MMP8: variants seen among roughly 807,000 people sequenced by gnomAD.
MMP8 encodes the protein matrix metallopeptidase 8, also known as neutrophil collagenase.
In MMP8, 67 loss-of-function variants were observed where a neutral mutation model predicts 51.2. The observed-to-expected ratio is 1.31, with a 90% CI of 1.08 to 1.60. MMP8 has a LOEUF of 1.60. MMP8 is among the 40% of genes most tolerant of loss of function. MMP8 has a pLI of 0.00. For synonymous variants in MMP8, 225 were observed against 191.0 expected (o/e 1.18, Z -1.47); for missense variants, 654 against 558.1 (o/e 1.17, Z -1.73).
chr11:102,714,806 A>ATATATAT (rs1861238462), intron 7 of MMP8, 97 bp from the exon 8 acceptor site: 1 of 211,730 alleles, frequency 4.7e-6, no homozygotes, highest in Non-Finnish European at 8.0e-6. Flanking sequence ...ATATATATAT[A>ATATATAT]CCACTTCTTG....
rs34064844 is a variant in MMP8, at chr11:102,723,005, C to T, written c.103-332G>A. Reference sequence around the variant, plus strand: ...TTAGGACTAACATTAATTGACTTCTCTTGAGGTATTTGTTGCATCAGTGCA... The same window carrying T: ...TTAGGACTAACATTAATTGACTTCTTTTGAGGTATTTGTTGCATCAGTGCA... On this transcript the variant is annotated intron_variant, in intron 1 of 9. Coordinates refer to ENST00000236826, the MANE Select transcript of MMP8 (RefSeq NM_002424.3). 3.0e-3 allele frequency: 3,841 copies of T among 1,301,742 alleles called. 95 individuals carry two copies. The African/African-American group carries it at 0.05, about 17-fold the overall frequency. 80.6% of individuals were successfully genotyped at this position (1,301,742 alleles called of 1,614,324 possible).
intron 7 of MMP8, 87 bp downstream of exon 7, chr11:102,715,217 C>T (rs1861253319): frequency 1.4e-6 from 2 of 1,476,820 alleles, no homozygotes; most frequent in Non-Finnish European, 1.8e-6. Flanking sequence ...GTCATTAGCT[C>T]ACCATGAACC....
Position 102,715,351 on chromosome 11 carries a change from T to C in MMP8, c.989A>G (p.Gln330Arg), listed in dbSNP as rs1591672877. ...TCTGTCAAAATCTTCATAAGCAGCC[T>C]GTATACCAGTTGGAAGGGATGGCCA... ...LFWPSLPTGI[Q>R]AAYEDFDRDL... The change falls in exon 7 of 10, where the codon CAG becomes CGG. Residue 330 changes from glutamine to arginine, a missense_variant. Transcript: ENST00000236826. 6.2e-7 allele frequency: 1 copy of C among 1,613,628 alleles called. No homozygotes were observed.
At position 102,713,338 on chromosome 11, in the gene MMP8, T is replaced by G; in HGVS notation, c.*10A>C. On this transcript the variant is annotated 3_prime_UTR_variant, in exon 10 of 10. Coordinates refer to ENST00000236826, the MANE Select transcript of MMP8 (RefSeq NM_002424.3). ...TTCTGAAAGTGGATACAGCCACATT[T>G]GATTTTGCTTCAGCCATATCTACAG... The G allele has an allele frequency of 1.3e-6, 2 of 1,588,514 alleles. No individual in the cohort carries two copies. The highest frequency in any genetic ancestry group is 8.6e-7 in the Non-Finnish European group (1 of 1,157,394).
rs780366606 is a variant in MMP8, at chr11:102,722,574, G to C, written c.202C>G (p.Arg68Gly). Reference protein sequence around the residue: ...VIVEKLKEMQRFFGLNVTGKP... With the variant: ...VIVEKLKEMQGFFGLNVTGKP... ...CCCGTCACATTCAACCCAAAAAATC[G>C]CTGCATTTCTTTAAGCTTTTCAACG... Residue 68 changes from arginine to glycine, a missense_variant, in exon 2 of 10, where the codon CGA (arginine) becomes GGA (glycine). By Grantham distance (125) the Arg-to-Gly change is moderately radical. Coordinates refer to ENST00000236826, the MANE Select transcript of MMP8 (RefSeq NM_002424.3). 1.2e-6 allele frequency: 2 copies of C among 1,613,866 alleles called. No homozygotes were observed. The highest frequency in any genetic ancestry group is 4.5e-5 in the East Asian group (2 of 44,878).
At chr11:102,718,358 T>G (rs1460411043) in intron 5 of MMP8, 56 bp downstream of exon 5, 1 of 1,515,162 alleles carries the variant, frequency 6.6e-7, no homozygotes, top group Non-Finnish European at 9.0e-7. Context: ...ATTCTGGGAG[T>G]GTTCGCCTAT....
At chr11:102,722,050 T>C (rs1158487540) in intron 2 of MMP8, among the ~76,000 whole-genome samples, 1 of 152,134 alleles carries the variant, frequency 6.6e-6, no homozygotes, top group Non-Finnish European at 1.5e-5. Context: ...GTTCATTACT[T>C]GTCAAATAGT....
chr11:102,723,037 C>T (rs1175449774), intron 1 of MMP8: 4 of 1,293,094 alleles, frequency 3.1e-6, no homozygotes, highest in Non-Finnish European at 4.0e-6. Context: ...TGCAGTTCCT[C>T]TTTTTTATCC....
In MMP8 at chr11:102,724,855, TG is replaced by T. The variant is rs752692167; in HGVS notation, c.-1del. On this transcript the variant is annotated 5_prime_UTR_variant, in exon 1 of 10. Transcript: ENST00000236826. ...AATGGAAGCGTCTTCAGGGAGAACATGATCTTCTCTTCAAACTCTACCCCTC... is the reference window on the plus strand; with the variant it reads ...AATGGAAGCGTCTTCAGGGAGAACATATCTTCTCTTCAAACTCTACCCCTC... 1.5e-5 allele frequency: 24 copies of T among 1,607,904 alleles called. No individual in the cohort carries two copies. The highest frequency in any genetic ancestry group is 1.6e-5 in the Non-Finnish European group (19 of 1,176,426).
At chr11:102,715,478 AAC>A in intron 6 of MMP8, 41 bp from the exon 7 acceptor site, 1 of 1,585,190 alleles carries the variant, frequency 6.3e-7, no homozygotes, top group African/African-American at 1.4e-5. Flanking sequence ...ACTTATACAT[AAC>A]AGTCTAAGTA....
rs553481454 is a variant in MMP8 at position 102,718,243 on chromosome 11, T to C, written c.784+171A>G. Among the ~76,000 whole-genome samples the C allele has an allele frequency of 2.0e-5, 3 of 152,274 alleles. No homozygotes were observed. The South Asian group carries it at 6.2e-4, about 32-fold the overall frequency. ...AACTTTTTTTCTTTTAGGGCAGCAA[T>C]AGAGGCTCAGTCCCTCACACCTTCT... is the stretch of plus-strand genomic sequence containing the variant. On this transcript the variant is annotated intron_variant, in intron 5 of 9. Transcript: ENST00000236826.
In MMP8 at chr11:102,718,453, G is replaced by A. The variant is rs763010132; in HGVS notation, c.745C>T (p.Leu249Phe). 5.0e-6 allele frequency: 8 copies of A among 1,613,498 alleles called. No individual in the cohort carries two copies. In the African/African-American group the frequency reaches 6.7e-5, roughly 13 times the overall value. The change falls in exon 5 of 10, where the codon CTC becomes TTC. Residue 249 changes from leucine to phenylalanine, a missense_variant. Physicochemically the swap from Leu to Phe is conservative, Grantham distance 22. Coordinates refer to ENST00000236826, the MANE Select transcript of MMP8 (RefSeq NM_002424.3). ...ATGCCATCGATGTCATCTTGAGGGA[G>A]TGAGTAGTTGCTGGTTTCCCTGAAA... is the stretch of plus-strand genomic sequence containing the variant. ...YAFRETSNYS[L>F]PQDDIDGIQA...
In MMP8 at chr11:102,713,741, T is replaced by TC. The variant is rs758223782; in HGVS notation, c.1294+12_1294+13insG. The TC allele has an allele frequency of 2.5e-6, 4 of 1,583,826 alleles. No homozygotes were observed. In the East Asian group the frequency reaches 6.7e-5, roughly 27 times the overall value. On this transcript the variant is annotated intron_variant, in intron 9 of 9. Coordinates refer to ENST00000236826, the MANE Select transcript of MMP8 (RefSeq NM_002424.3). ...CAAACAACACATTTATTAGGTTTTTTTTTCCTACTTACGTTCTTGCTGGAA... is the reference window on the plus strand; with the variant it reads ...CAAACAACACATTTATTAGGTTTTTTCTTTCCTACTTACGTTCTTGCTGGAA...
intron 2 of MMP8, 137 bp downstream of exon 2, chr11:102,722,292 C>A: frequency 1.1e-6 from 1 of 949,174 alleles, no homozygotes; most frequent in South Asian, 1.8e-5. Flanking sequence ...TTCTCATATT[C>A]ATTCACTACT....
chr11:102,716,377 G>T lies in MMP8; in HGVS notation c.827C>A (p.Pro276His), dbSNP rs1425249331. ...TGTCAAACTGGGGTCACAGGGTTTG[G>T]GTGTGCTTGGTCCAGTAGGTTGGAT... ...NPIQPTGPST[P>H]KPCDPSLTFD... The change falls in exon 6 of 10, where the codon CCC becomes CAC. Residue 276 changes from proline to histidine, a missense_variant. Transcript: ENST00000236826. 1.2e-6 allele frequency: 2 copies of T among 1,603,900 alleles called. No individual in the cohort carries two copies. The highest frequency in any genetic ancestry group is 2.3e-5 in the East Asian group (1 of 44,240).
intron 5 of MMP8, among the ~76,000 whole-genome samples, chr11:102,717,968 G>C (rs1005266547): frequency 2.0e-5 from 3 of 152,108 alleles, no homozygotes; most frequent in Non-Finnish European, 4.4e-5. Context: ...TTAGCCAAGT[G>C]TGGTGGTGGG....
rs147320086 is a variant in MMP8 at position 102,722,506 on chromosome 11, G to A, written c.270C>T (p.Arg90=). 15 of 1,613,818 alleles carry A rather than the reference G, an allele frequency of 9.3e-6. No individual in the cohort carries two copies. The highest frequency in any genetic ancestry group is 4.0e-5 in the African/African-American group (3 of 74,912). The change falls in exon 2 of 10, where the codon CGC becomes CGT. Residue 90 remains arginine, a synonymous_variant. Transcript: ENST00000236826. ...EETLDMMKKP[R]CGVPDSGGFM... is the part of the protein sequence containing the mutation. ...AACCACCACTGTCAGGCACTCCACA[G>A]CGAGGCTTTTTCATCATGTCCAGAG...
chr11:102,722,845 A>G, intron 1 of MMP8, 172 bp from the exon 2 acceptor site: 1 of 1,106,992 alleles, frequency 9.0e-7, no homozygotes, highest in South Asian at 1.6e-5. Context: ...TTTTAGAAAG[A>G]ACAGTTCCTC....
intron 1 of MMP8, chr11:102,723,944 C>A: frequency 3.0e-6 from 1 of 330,190 alleles, no homozygotes; most frequent in Non-Finnish European, 6.4e-6. Flanking sequence ...ATATTTTTGT[C>A]TCTGAAATGA....
Sources: gnomAD v4.1 joint callset for allele counts (sites outside exome capture counted in the v4.1 genomes callset) on GRCh38, gnomAD v4.1.1 for gene constraint, MANE v1.5 for transcripts, NCBI Gene and HGNC (gene_info 2026-07-23, HGNC 2026-07-21) for gene names.